The following MCF2L2 variants were observed in gnomAD, a reference collection of about 807,000 sequenced individuals.
MCF2L2 encodes MCF.2 cell line derived transforming sequence-like 2.
In MCF2L2, 102 loss-of-function variants were observed where a neutral mutation model predicts 150.2. The observed-to-expected ratio is 0.68, with a 90% CI of 0.58 to 0.80. MCF2L2 has a LOEUF of 0.80. Among genes scored for constraint, MCF2L2 ranks in the 30% least tolerant of loss-of-function variants. MCF2L2 has a pLI of 0.00. For synonymous variants in MCF2L2, 465 were observed against 491.3 expected, an observed-to-expected ratio of 0.95 and a Z score of 0.71; for missense variants, 1,256 against 1,372.8, an observed-to-expected ratio of 0.91 and a Z score of 1.34.
intron 3 of MCF2L2, among the ~76,000 whole-genome samples, chr3:183,353,635 AC>A (rs1711599865): frequency 2.0e-5 from 3 of 152,186 alleles, no homozygotes; most frequent in Admixed American, 2.0e-4. Flanking sequence ...ATTTTAAACA[AC>A]CAGATCTTGT....
intron 2 of MCF2L2, among the ~76,000 whole-genome samples, chr3:183,388,735 C>T (rs1265720548): frequency 1.3e-5 from 2 of 152,172 alleles, no homozygotes; most frequent in Non-Finnish European, 2.9e-5. Flanking sequence ...AAGATGTGGT[C>T]ACCCAGGAGG....
chr3:183,367,770 A>C (rs1560043172), intron 3 of MCF2L2, among the ~76,000 whole-genome samples: 1 of 152,202 alleles, frequency 6.6e-6, no homozygotes, highest in Non-Finnish European at 1.5e-5. Flanking sequence ...ATGTGATCTA[A>C]AAATAACAAT....
chr3:183,404,788 G>C (rs1714957022), intron 1 of MCF2L2, among the ~76,000 whole-genome samples: 1 of 152,116 alleles, frequency 6.6e-6, no homozygotes, highest in African/African-American at 2.4e-5. Context: ...ACTTGAACCT[G>C]GGAGGCGGAG....
At chr3:183,326,023 AAAG>A (rs1730009802) in intron 5 of MCF2L2, among the ~76,000 whole-genome samples, 2 of 152,210 alleles carry the variant, frequency 1.3e-5, no homozygotes, top group African/African-American at 4.8e-5. Context: ...CAATTTTGTA[AAAG>A]AAGAAAAAAG....
chr3:183,274,724 T>C (rs929950675), intron 15 of MCF2L2, among the ~76,000 whole-genome samples: 10 of 152,246 alleles, frequency 6.6e-5, no homozygotes, highest in African/African-American at 2.4e-4. Flanking sequence ...ACTCTTGATA[T>C]GCAAGGTTAT....
Position 183,216,042 on chromosome 3 carries a change from G to A in MCF2L2, c.2423C>T (p.Ala808Val), listed in dbSNP as rs1231932830. The change falls in exon 22 of 30, where the codon GCT becomes GTT. Residue 808 changes from alanine (A) to valine (V), a missense_variant. Transcript: ENST00000328913. Reference protein sequence around the residue: ...DSAFSTELQQALAVIEDLIKS... With the variant: ...DSAFSTELQQVLAVIEDLIKS... ...GATCAAATCCTCTATCACTGCCAAA[G>A]CTTGTTGTAGTTCAGTTGAGAATGC... 20 of 1,614,046 alleles carry A rather than the reference G, an allele frequency of 1.2e-5. No homozygotes were observed. Among genetic ancestry groups the A allele is most frequent in the Non-Finnish European group, 1.7e-5 (20 of 1,179,948 alleles).
At chr3:183,400,274 G>A (rs371508170) in intron 1 of MCF2L2, 13 of 301,290 alleles carry the variant, frequency 4.3e-5, no homozygotes, top group East Asian at 1.8e-4. Context: ...AAATTTCTTC[G>A]CTTTAAATCA....
chr3:183,206,004 G>A, intron 24 of MCF2L2, 50 bp from the exon 25 acceptor site: 3 of 1,570,310 alleles, frequency 1.9e-6, no homozygotes, highest in Non-Finnish European at 2.6e-6. Flanking sequence ...AGTATTAATT[G>A]CAGAGTTTTT....
intron 3 of MCF2L2, chr3:183,377,352 T>C (rs893449081): frequency 6.6e-6 from 1 of 152,198 alleles, no homozygotes; most frequent in African/African-American, 2.4e-5. Flanking sequence ...TTCATCCATG[T>C]CCCTGCAAAG....
chr3:183,280,441 G>A lies in MCF2L2; in HGVS notation c.1777-3484C>T, dbSNP rs370883111. ...TTGTTTTTTTTTTCTTCCCTAAAGG[G>A]GAGATACCAACCTTTGAACAAAATT... On this transcript the variant is annotated intron_variant, in intron 14 of 29. Coordinates refer to ENST00000328913, the MANE Select transcript of MCF2L2 (RefSeq NM_015078.4). 5.9e-5 allele frequency among the ~76,000 whole-genome samples: 9 copies of A among 151,838 alleles called. No homozygotes were observed. In the East Asian group the frequency reaches 1.7e-3, roughly 29 times the overall value.
At chr3:183,295,575 A>G in intron 12 of MCF2L2, 98 bp from the exon 13 acceptor site, 1 of 1,170,690 alleles carries the variant, frequency 8.5e-7, no homozygotes. Context: ...TACTCCCCCC[A>G]TCCCTACCTC....
intron 25 of MCF2L2, among the ~76,000 whole-genome samples, chr3:183,202,837 TA>T (rs1193303607): frequency 6.6e-6 from 1 of 152,188 alleles, no homozygotes; most frequent in African/African-American, 2.4e-5. Context: ...TGTGCAATTT[TA>T]ACAGAAAATA....
intron 25 of MCF2L2, among the ~76,000 whole-genome samples, chr3:183,204,277 T>C (rs1231345935): frequency 1.3e-5 from 2 of 152,056 alleles, no homozygotes; most frequent in African/African-American, 4.8e-5. Flanking sequence ...TAAATAACTC[T>C]TACAATTCAA....
chr3:183,425,678 C>T (rs1442201198), intron 1 of MCF2L2, among the ~76,000 whole-genome samples: 2 of 152,144 alleles, frequency 1.3e-5, no homozygotes, highest in Non-Finnish European at 2.9e-5. Flanking sequence ...CCCCCTGAAA[C>T]CTTAAAAGAT....
chr3:183,283,977 T>G lies in MCF2L2; in HGVS notation c.1776+5143A>C, dbSNP rs116094842. Among the ~76,000 whole-genome samples, 18 of 152,324 alleles carry G rather than the reference T, an allele frequency of 1.2e-4. No homozygotes were observed. Among genetic ancestry groups the G allele is most frequent in the African/African-American group, 4.3e-4 (18 of 41,586 alleles). On this transcript the variant is annotated intron_variant, in intron 14 of 29. Transcript: ENST00000328913. The surrounding 1 kb of genome is among the most constrained non-coding windows in gnomAD (Gnocchi z 4.2). ...TTATAAATTATTAGAAATATGTTGT[T>G]TCCCCCATGAAAGTTTCAAGTTTCC...
At chr3:183,256,092 A>G (rs1272585363) in intron 15 of MCF2L2, among the ~76,000 whole-genome samples, 2 of 152,224 alleles carry the variant, frequency 1.3e-5, no homozygotes, top group Non-Finnish European at 2.9e-5. Flanking sequence ...TTCAGGGGGA[A>G]TTTTATATAT....
chr3:183,351,198 A>G lies in MCF2L2; in HGVS notation c.276-9568T>C, dbSNP rs1223949600. ...GATATTTATTTTCTTAAGTATATAT[A>G]TATATATATATATATATATATATAT... On this transcript the variant is annotated intron_variant, in intron 3 of 29. Coordinates refer to ENST00000328913, the MANE Select transcript of MCF2L2 (RefSeq NM_015078.4). Among the ~76,000 whole-genome samples the G allele has an allele frequency of 5.6e-3, 323 of 57,190 alleles. 13 individuals carry two copies. Among genetic ancestry groups the G allele is most frequent in the African/African-American group, 0.025 (291 of 11,716 alleles). The allele number at this position is 57,190 out of a possible 152,430, so 37.5% of individuals were successfully genotyped here.
chr3:183,297,642 C>CCCTTCCTTCCTTCCTTCCTTCCTG (rs1728596575), intron 11 of MCF2L2: 1 of 146,118 alleles, frequency 6.8e-6, no homozygotes. Flanking sequence ...CTTCCTTCCT[C>CCCTTCCTTCCTTCCTTCCTTCCTG]CCTTCCTTCC....
intron 15 of MCF2L2, among the ~76,000 whole-genome samples, chr3:183,251,483 C>G (rs112543513): frequency 3.9e-5 from 6 of 152,288 alleles, no homozygotes; most frequent in African/African-American, 1.4e-4. Context: ...TGTGCCTTAT[C>G]TATCCCTGCC....
Sources: gnomAD v4.1 joint callset for allele counts (sites outside exome capture counted in the v4.1 genomes callset) on GRCh38, gnomAD v4.1.1 for gene constraint, Gnocchi (gnomAD v3.1) non-coding constraint, MANE v1.5 for transcripts, NCBI Gene and HGNC (gene_info 2026-07-23, HGNC 2026-07-21) for gene names.